The following FSTL4 variants were observed in gnomAD, a reference collection of about 807,000 sequenced individuals.
The protein encoded by FSTL4 is follistatin-related protein 4.
FSTL4 carries 28 observed loss-of-function variants against 78.2 expected under a neutral mutation model. The ratio of observed to expected loss-of-function variants is 0.36; its 90% confidence interval spans 0.27 to 0.49. FSTL4 has a LOEUF of 0.49. Among genes scored for constraint, FSTL4 ranks in the 20% least tolerant of loss-of-function variants. The pLI is 0.98. For missense variants in FSTL4, 922 were observed against 1,084.9 expected (o/e 0.85, Z 2.11); for synonymous variants, 422 against 440.5 (o/e 0.96, Z 0.53).
At position 133,427,659 on chromosome 5, in the gene FSTL4, A is replaced by C. The variant is rs115216563; in HGVS notation, c.161-26673T>G. The C allele has an allele frequency of 9.5e-3, 5,021 of 530,576 alleles. 182 individuals carry two copies. Among genetic ancestry groups the C allele is most frequent in the African/African-American group, 0.086 (4,462 of 52,002 alleles). The allele number at this position is 530,576 out of a possible 1,614,324, so 32.9% of individuals were successfully genotyped here. A position where few individuals can be genotyped will look rare whatever the true frequency, so the allele number is the denominator to read the frequency against. On this transcript the variant is annotated intron_variant, in intron 3 of 15. Coordinates refer to ENST00000265342, the MANE Select transcript of FSTL4 (RefSeq NM_015082.2). ...TCCACACCCAGTGACTCTGTTCAGT[A>C]GTTCTGAGGCAGGGTCTAGGAATGT...
chr5:133,377,280 G>T (rs1397019408), intron 4 of FSTL4, among the ~76,000 whole-genome samples: 2 of 151,672 alleles, frequency 1.3e-5, no homozygotes, highest in East Asian at 3.9e-4. Flanking sequence ...ATAGGACAGA[G>T]ATTTCATGCT....
At chr5:133,534,213 T>C (rs1324813752) in intron 3 of FSTL4, among the ~76,000 whole-genome samples, 1 of 151,568 alleles carries the variant, frequency 6.6e-6, no homozygotes, top group Non-Finnish European at 1.5e-5. Flanking sequence ...TAGTGGAGAC[T>C]CCATGTTAAA....
intron 15 of FSTL4, among the ~76,000 whole-genome samples, chr5:133,201,294 C>T (rs371486323): frequency 2.0e-5 from 3 of 151,978 alleles, no homozygotes; most frequent in South Asian, 2.1e-4. Context: ...CATGCTGGGC[C>T]GAGGTCTGCA....
chr5:133,670,088 G>A, the FSTL4 span, among the ~76,000 whole-genome samples: 7 of 152,100 alleles, frequency 4.6e-5, no homozygotes, highest in Admixed American at 2.0e-4. Flanking sequence ...CCTTCCCTCC[G>A]ACAACACACC....
the FSTL4 span, among the ~76,000 whole-genome samples, chr5:133,640,900 G>A: frequency 1.3e-5 from 2 of 152,332 alleles, no homozygotes; most frequent in South Asian, 4.1e-4. Flanking sequence ...AGGAAACTAG[G>A]CTTCATGTTT....
In FSTL4 at chr5:133,259,180, TG is replaced by T. The variant is rs1752453882; in HGVS notation, c.728-9605del. Among the ~76,000 whole-genome samples, 2 of 111,584 alleles carry T rather than the reference TG, an allele frequency of 1.8e-5. 1 individual carries two copies. Among genetic ancestry groups the T allele is most frequent in the South Asian group, 6.6e-4 (2 of 3,026 alleles). 73.2% of individuals were successfully genotyped at this position (111,584 alleles called of 152,430 possible). The stretch of plus-strand genomic sequence containing the variant: ...GGGGAGGGCTATTAAGGTGTGTGTG[TG>T]GGGGGTGGGTGCTGGTGTGGCGGAA... On this transcript the variant is annotated intron_variant, in intron 6 of 15. Transcript: ENST00000265342.
chr5:133,684,202 G>T, the FSTL4 span, among the ~76,000 whole-genome samples: 203 of 152,338 alleles, frequency 1.3e-3, 1 homozygote, highest in African/African-American at 4.7e-3. Flanking sequence ...GCTCAGGGCT[G>T]AAAGTGACGG....
intron 3 of FSTL4, among the ~76,000 whole-genome samples, chr5:133,499,983 T>C (rs1246160467): frequency 6.6e-6 from 1 of 152,198 alleles, no homozygotes; most frequent in Non-Finnish European, 1.5e-5. Context: ...ATTTCCTTTT[T>C]ATCACCTCTC....
chr5:133,818,910 G>A, the FSTL4 span, among the ~76,000 whole-genome samples: 248 of 44,670 alleles, frequency 5.6e-3, no homozygotes, highest in African/African-American at 0.016. Flanking sequence ...CAAAGTCCAG[G>A]AGAAGATGTT....
chr5:133,274,389 T>TTTTTTTTTTTTTTC (rs1752832661), intron 6 of FSTL4, among the ~76,000 whole-genome samples: 1 of 147,678 alleles, frequency 6.8e-6, no homozygotes. Flanking sequence ...GCTTTTTTTT[T>TTTTTTTTTTTTTTC]TTTTTTTAGG....
At chr5:133,333,253 T>C (rs781531650) in intron 4 of FSTL4, among the ~76,000 whole-genome samples, 2 of 152,192 alleles carry the variant, frequency 1.3e-5, no homozygotes, top group Admixed American at 6.5e-5. Context: ...TAGTCCAGGC[T>C]CCTCATTTAT....
intron 3 of FSTL4, among the ~76,000 whole-genome samples, chr5:133,455,058 G>T (rs999638958): frequency 4.6e-5 from 7 of 152,246 alleles, no homozygotes; most frequent in Non-Finnish European, 5.9e-5. Flanking sequence ...TTAAATGAAG[G>T]CATGAGTGTC....
intron 1 of FSTL4, among the ~76,000 whole-genome samples, chr5:133,608,448 C>T (rs895047349): frequency 1.3e-5 from 2 of 152,224 alleles, no homozygotes; most frequent in Admixed American, 1.3e-4. Context: ...CACCAGAAGA[C>T]CAGAAGGTGG....
intron 3 of FSTL4, among the ~76,000 whole-genome samples, chr5:133,468,537 C>T (rs970522002): frequency 3.3e-5 from 5 of 152,150 alleles, no homozygotes; most frequent in African/African-American, 1.2e-4. Context: ...ATTACTAGAC[C>T]TGCCCTCTAA....
chr5:133,716,165 T>C, the FSTL4 span, among the ~76,000 whole-genome samples: 1 of 152,044 alleles, frequency 6.6e-6, no homozygotes, highest in Non-Finnish European at 1.5e-5. Context: ...CTTGACTGAG[T>C]GTCTAAGAAT....
At chr5:133,714,378 G>A in the FSTL4 span, among the ~76,000 whole-genome samples, 1 of 152,086 alleles carries the variant, frequency 6.6e-6, no homozygotes, top group African/African-American at 2.4e-5. Flanking sequence ...TCAAATGCAC[G>A]CCTGGACAGT....
At chr5:133,434,572 C>T (rs1021839159) in intron 3 of FSTL4, among the ~76,000 whole-genome samples, 1 of 152,152 alleles carries the variant, frequency 6.6e-6, no homozygotes, top group Non-Finnish European at 1.5e-5. Flanking sequence ...CTACAGTAAA[C>T]ATCCCTGAAC....
At chr5:133,739,683 G>A in the FSTL4 span, among the ~76,000 whole-genome samples, 2 of 152,172 alleles carry the variant, frequency 1.3e-5, no homozygotes, top group Non-Finnish European at 2.9e-5. Context: ...CACCAACCAC[G>A]TCCCAGGCAC....
At chr5:133,346,233 G>A (rs777656001) in intron 4 of FSTL4, among the ~76,000 whole-genome samples, 17 of 151,996 alleles carry the variant, frequency 1.1e-4, no homozygotes, top group East Asian at 3.9e-4. Context: ...CACACACTGC[G>A]GCCTGTCAGG....
Sources: gnomAD v4.1 joint callset for allele counts (sites outside exome capture counted in the v4.1 genomes callset) on GRCh38, gnomAD v4.1.1 for gene constraint, MANE v1.5 for transcripts, NCBI Gene and HGNC (gene_info 2026-07-23, HGNC 2026-07-21) for gene names.